EFCC1: variants seen among roughly 807,000 people sequenced by gnomAD.
EFCC1 encodes the protein EF-hand and coiled-coil domain containing 1.
In EFCC1, 50 loss-of-function variants were observed where a neutral mutation model predicts 52.1. The ratio of observed to expected loss-of-function variants is 0.96; its 90% CI spans 0.76 to 1.21. The LOEUF is 1.21. Ranked by LOEUF, EFCC1 falls within the 50% of genes most tolerant of loss-of-function variation. The pLI, the probability that EFCC1 is intolerant of heterozygous loss-of-function variation, is 0.00. For synonymous variants in EFCC1, 399 were observed against 396.5 expected, an observed-to-expected ratio of 1.01 and a Z score of -0.08; for missense variants, 837 against 867.3, an observed-to-expected ratio of 0.97 and a Z score of 0.44.
In EFCC1 at chr3:129,001,935, G is replaced by A. The variant is rs1159351752; in HGVS notation, c.307G>A (p.Gly103Arg). 1 of 1,541,294 alleles carries A rather than the reference G, an allele frequency of 6.5e-7. No homozygotes were observed. Among genetic ancestry groups the A allele is most frequent in the Non-Finnish European group, 8.8e-7 (1 of 1,142,320 alleles). Residue 103 changes from glycine to arginine, a missense_variant, in exon 1 of 8, where the codon GGG becomes AGG. Transcript: ENST00000683648. Reference sequence around the variant, plus strand: ...CACGGCCGGGCAGGCAGCAGGTGACGGGAACTCCAGAGATGTGACCCCCGG... The same window carrying A: ...CACGGCCGGGCAGGCAGCAGGTGACAGGAACTCCAGAGATGTGACCCCCGG... ...ATTAGQAAGD[G>R]NSRDVTPGDA...
chr3:129,009,654 T>G (rs1945228964), intron 2 of EFCC1, among the ~76,000 whole-genome samples: 1 of 152,220 alleles, frequency 6.6e-6, no homozygotes, highest in Non-Finnish European at 1.5e-5. Context: ...CAAGGGGCAC[T>G]GTACCCCAGA....
At chr3:129,026,669 T>G (rs962356741) in intron 2 of EFCC1, among the ~76,000 whole-genome samples, 1 of 152,176 alleles carries the variant, frequency 6.6e-6, no homozygotes, top group Non-Finnish European at 1.5e-5. Flanking sequence ...CCTTGAGTCT[T>G]GGAGACAGTG....
Position 129,030,875 on chromosome 3 carries a change from C to T in EFCC1, c.1138+15C>T, listed in dbSNP as rs770992629. On this transcript the variant is annotated intron_variant, in intron 3 of 7. Transcript: ENST00000683648. ...CCTGGATGAAGGTTTGTCCCCTGTG[C>T]GCCCAGTCTTCCTGCCAGGCTCACA... The T allele has an allele frequency of 1.9e-5, 30 of 1,543,248 alleles. No homozygotes were observed. Among genetic ancestry groups the T allele is most frequent in the African/African-American group, 4.1e-5 (3 of 72,864 alleles).
intron 2 of EFCC1, among the ~76,000 whole-genome samples, chr3:129,009,408 A>G (rs1945219059): frequency 6.6e-6 from 1 of 152,178 alleles, no homozygotes; most frequent in Admixed American, 6.5e-5. Flanking sequence ...TTGGGGTGCC[A>G]GGCTAATATC....
chr3:129,003,863 G>C lies in EFCC1; in HGVS notation c.766G>C (p.Glu256Gln), dbSNP rs533366757. ...CGGCGGGCCGGAGGCTGCGGTGCGG[G>C]AGCTGCGTCAGGCGCAGGGCGCCCT... ...GHGGPEAAVR[E>Q]LRQAQGALAA... The change falls in exon 2 of 8, where the codon GAG (glutamate) becomes CAG (glutamine). Residue 256 changes from glutamate (E) to glutamine (Q), a missense_variant. Transcript: ENST00000683648. 2.8e-6 allele frequency: 4 copies of C among 1,440,278 alleles called. No individual in the cohort carries two copies. The highest frequency in any genetic ancestry group is 1.5e-5 in the African/African-American group (1 of 67,234). The allele number at this position is 1,440,278 out of a possible 1,614,324, so 89.2% of individuals were successfully genotyped here.
chr3:129,017,847 A>G (rs528148571), intron 2 of EFCC1, among the ~76,000 whole-genome samples: 12 of 152,200 alleles, frequency 7.9e-5, no homozygotes, highest in African/African-American at 2.6e-4. Flanking sequence ...TTGGGGGCCC[A>G]TTCCTAGACA....
Position 129,002,233 on chromosome 3 carries a change from G to C in EFCC1, c.605G>C (p.Arg202Pro). ...DSGPDCERVARLEEENSSLRE... is the reference protein window; with the variant it reads ...DSGPDCERVAPLEEENSSLRE... ...GGTCCTGACTGTGAGCGCGTTGCGC[G>C]GCTGGAGGAGGAGAATAGCAGCTTG... Residue 202 changes from arginine to proline, a missense_variant, in exon 1 of 8, where the codon CGG becomes CCG. Physicochemically the swap from Arg to Pro is moderately radical, Grantham distance 103. Coordinates refer to ENST00000683648, the MANE Select transcript of EFCC1 (RefSeq NM_001377500.1). The C allele has an allele frequency of 1.3e-6, 2 of 1,529,214 alleles. No homozygotes were observed. The highest frequency in any genetic ancestry group is 1.7e-6 in the Non-Finnish European group (2 of 1,143,736). 94.7% of individuals were successfully genotyped at this position (1,529,214 alleles called of 1,614,324 possible).
In EFCC1 at chr3:129,001,654, A is replaced by C. The variant is rs570602884; in HGVS notation, c.26A>C (p.Glu9Ala). ...ATGGAGCCGGTCAGCACGGGCGCGG[A>C]GGCCGGCATGGAGGGCGCGGGAGGT... The part of the protein sequence containing the change: MEPVSTGA[E>A]AGMEGAGGDP... Residue 9 changes from glutamate to alanine, a missense_variant, in exon 1 of 8, where the codon GAG becomes GCG. Glu to Ala is a moderately radical substitution (Grantham distance 107). Coordinates refer to ENST00000683648, the MANE Select transcript of EFCC1 (RefSeq NM_001377500.1). The C allele has an allele frequency of 8.6e-6, 12 of 1,393,910 alleles. No individual in the cohort carries two copies. The African/African-American group carries it at 1.7e-4, about 19-fold the overall frequency. The allele number at this position is 1,393,910 out of a possible 1,614,324, so 86.3% of individuals were successfully genotyped here. A position where few individuals can be genotyped will look rare whatever the true frequency, so the allele number is the denominator to read the frequency against.
At chr3:129,030,555 G>C in intron 2 of EFCC1, 148 bp from the exon 3 acceptor site, 1 of 870,876 alleles carries the variant, frequency 1.1e-6, no homozygotes, top group Non-Finnish European at 1.6e-6. Flanking sequence ...CTGGGAATCT[G>C]AGTATCTAGC....
chr3:129,024,983 G>A lies in EFCC1; in HGVS notation c.981-5720G>A, dbSNP rs575188363. ...GCGGCCACTCTTTGGGTGGTCAAGT[G>A]GGTGATGGCACACTTCACTGAGGGA... is the stretch of plus-strand genomic sequence containing the variant. On this transcript the variant is annotated intron_variant, in intron 2 of 7. Coordinates refer to ENST00000683648, the MANE Select transcript of EFCC1 (RefSeq NM_001377500.1). Among the ~76,000 whole-genome samples the A allele has an allele frequency of 2.0e-5, 3 of 152,270 alleles. No individual in the cohort carries two copies. The South Asian group carries it at 6.2e-4, about 32-fold the overall frequency.
chr3:129,036,753 T>C (rs1002792306), intron 5 of EFCC1, among the ~76,000 whole-genome samples: 2 of 152,226 alleles, frequency 1.3e-5, no homozygotes, highest in African/African-American at 4.8e-5. Context: ...CTTAATTTGT[T>C]TGAAAGAAAC....
intron 2 of EFCC1, among the ~76,000 whole-genome samples, chr3:129,019,682 A>G (rs1945744153): frequency 6.6e-6 from 1 of 152,136 alleles, no homozygotes; most frequent in Admixed American, 6.6e-5. Flanking sequence ...GCTGTGAGCC[A>G]CAGGTAGCTA....
Position 129,001,724 on chromosome 3 carries a change from C to T in EFCC1, c.96C>T (p.Ser32=). ...CGCGGCGCACGCAGTGGCTGCTGAGCGCCCTGGCGCACCACTACGGGCTGG... is the reference window on the plus strand; with the variant it reads ...CGCGGCGCACGCAGTGGCTGCTGAGTGCCCTGGCGCACCACTACGGGCTGG... ...RPARRTQWLL[S]ALAHHYGLDR... is the part of the protein sequence containing the mutation. Residue 32 remains serine (S), a synonymous_variant, in exon 1 of 8, where the codon AGC becomes AGT. Coordinates refer to ENST00000683648, the MANE Select transcript of EFCC1 (RefSeq NM_001377500.1). 6.6e-7 allele frequency: 1 copy of T among 1,520,400 alleles called. No individual in the cohort carries two copies. Among genetic ancestry groups the T allele is most frequent in the Non-Finnish European group, 8.8e-7 (1 of 1,136,508 alleles). 94.2% of individuals were successfully genotyped at this position (1,520,400 alleles called of 1,614,324 possible).
chr3:129,002,211 C>A lies in EFCC1; in HGVS notation c.583C>A (p.Pro195Thr). The change falls in exon 1 of 8, where the codon CCT becomes ACT. Residue 195 changes from proline to threonine, a missense_variant. Coordinates refer to ENST00000683648, the MANE Select transcript of EFCC1 (RefSeq NM_001377500.1). The stretch of plus-strand genomic sequence containing the variant: ...CTGCGCGCCTGGCCCCGACAGCGGT[C>A]CTGACTGTGAGCGCGTTGCGCGGCT... ...PPCAPGPDSGPDCERVARLEE... is the reference protein window; with the variant it reads ...PPCAPGPDSGTDCERVARLEE... 1 of 1,526,802 alleles carries A rather than the reference C, an allele frequency of 6.5e-7. No homozygotes were observed. The highest frequency in any genetic ancestry group is 8.8e-7 in the Non-Finnish European group (1 of 1,142,602). 94.6% of individuals were successfully genotyped at this position (1,526,802 alleles called of 1,614,324 possible). A position where few individuals can be genotyped will look rare whatever the true frequency, so the allele number is the denominator to read the frequency against.
chr3:129,013,244 G>A (rs945920615), intron 2 of EFCC1, among the ~76,000 whole-genome samples: 1 of 151,784 alleles, frequency 6.6e-6, no homozygotes, highest in African/African-American at 2.4e-5. Context: ...GTGGTCTTGT[G>A]TAGAAAAAAA....
At chr3:129,015,806 CTGT>C (rs892004230) in intron 2 of EFCC1, among the ~76,000 whole-genome samples, 7 of 148,428 alleles carry the variant, frequency 4.7e-5, no homozygotes, top group African/African-American at 1.7e-4. Flanking sequence ...GTTCTTCCTG[CTGT>C]TGTTCTCTTG....
chr3:129,003,323 T>C, intron 1 of EFCC1: 2 of 978,442 alleles, frequency 2.0e-6, no homozygotes, highest in South Asian at 9.5e-5. Context: ...GCCAGGTTTG[T>C]TTTAGGCTCT....
intron 4 of EFCC1, among the ~76,000 whole-genome samples, chr3:129,033,634 AAGC>A (rs1318862263): frequency 7.2e-5 from 11 of 152,238 alleles, no homozygotes; most frequent in Non-Finnish European, 1.3e-4. Flanking sequence ...TCATGTCAAC[AAGC>A]ACTTATAAAG....
intron 1 of EFCC1, chr3:129,002,811 T>C (rs1310067533): frequency 6.4e-6 from 1 of 156,294 alleles, no homozygotes; most frequent in Non-Finnish European, 1.4e-5. Flanking sequence ...CAAAGACTTA[T>C]GGGGCTCCCT....
Sources: allele counts gnomAD v4.1 joint callset (sites outside exome capture counted in the v4.1 genomes callset), GRCh38; gene constraint gnomAD v4.1.1; transcripts MANE v1.5; gene names NCBI Gene and HGNC (gene_info 2026-07-23, HGNC 2026-07-21).